PLEKHM2: variants seen among roughly 807,000 people sequenced by gnomAD.
PLEKHM2 encodes pleckstrin homology domain-containing family M member 2.
A neutral mutation model predicts 116.3 loss-of-function variants in PLEKHM2; 77 were observed. The ratio of observed to expected loss-of-function variants is 0.66; its 90% CI spans 0.55 to 0.80. The LOEUF (loss-of-function observed/expected upper bound fraction) is 0.80, where lower values mean the gene tolerates loss of function less well. PLEKHM2 is among the 30% of genes least tolerant of loss of function. PLEKHM2 has a pLI of 0.00. For synonymous variants in PLEKHM2, 562 were observed against 571.0 expected, an observed-to-expected ratio of 0.98 and a Z score of 0.22; for missense variants, 1,183 against 1,354.9, an observed-to-expected ratio of 0.87 and a Z score of 1.99.
chr1:15,684,475 G>C lies in PLEKHM2; in HGVS notation c.-84G>C. 1.3e-6 allele frequency: 1 copy of C among 793,648 alleles called. No homozygotes were observed. The highest frequency in any genetic ancestry group is 1.5e-6 in the Non-Finnish European group (1 of 654,000). 49.2% of individuals were successfully genotyped at this position (793,648 alleles called of 1,614,324 possible). A position where few individuals can be genotyped will look rare whatever the true frequency, so the allele number is the denominator to read the frequency against. ...GTACGGCCGGCGGCAGCGGTTGGCGGCGGCCCCCGGCCCCCGGCGCGGGAA... is the reference window on the plus strand; with the variant it reads ...GTACGGCCGGCGGCAGCGGTTGGCGCCGGCCCCCGGCCCCCGGCGCGGGAA... On this transcript the variant is annotated 5_prime_UTR_variant, in exon 1 of 20. Transcript: ENST00000375799.
In PLEKHM2 at chr1:15,713,626, G is replaced by T. The variant is rs568811122; in HGVS notation, c.61-2611G>T. On this transcript the variant is annotated intron_variant, in intron 1 of 19. Transcript: ENST00000375799. ...ATGAATAATATTCTGTTTTTTGTTT[G>T]TTTGTTTGTTTTTTGTTTTTTGTTT... Among the ~76,000 whole-genome samples, 262 of 145,242 alleles carry T rather than the reference G, an allele frequency of 1.8e-3. 1 individual carries two copies. Among genetic ancestry groups the T allele is most frequent in the African/African-American group, 7.0e-3 (252 of 36,082 alleles).
Position 15,727,484 on chromosome 1 carries a change from G to T in PLEKHM2, c.1412G>T (p.Ser471Ile). The T allele has an allele frequency of 6.3e-7, 1 of 1,597,308 alleles. No homozygotes were observed. Among genetic ancestry groups the T allele is most frequent in the African/African-American group, 1.3e-5 (1 of 74,690 alleles). Residue 471 changes from serine (S) to isoleucine (I), a missense_variant, in exon 9 of 20, where the codon AGT becomes ATT. Ser to Ile is a moderately radical substitution (Grantham distance 142, BLOSUM62 -2). Around this residue, in one of 3 missense-constraint regions of PLEKHM2, gnomAD observed 372 missense variants for 357.2 expected, o/e 1.04. Transcript: ENST00000375799. This position sits in a 1 kb window ranked among gnomAD's most constrained non-coding sequence, Gnocchi z 7.5. ...PMDFYRFTVESPSTVTSGGGH... is the reference protein window; with the variant it reads ...PMDFYRFTVEIPSTVTSGGGH... ...GACTTCTACCGCTTTACCGTCGAGA[G>T]TCCAAGCACTGTTACATCAGGTGGC...
chr1:15,707,611 A>G (rs1320105251), intron 1 of PLEKHM2, among the ~76,000 whole-genome samples: 1 of 152,262 alleles, frequency 6.6e-6, no homozygotes, highest in Non-Finnish European at 1.5e-5. Context: ...ATGAACAGAA[A>G]GGAAACACTC....
chr1:15,705,169 T>A (rs1641199519), intron 1 of PLEKHM2, among the ~76,000 whole-genome samples: 1 of 133,994 alleles, frequency 7.5e-6, no homozygotes, highest in Non-Finnish European at 1.6e-5. Context: ...CACGTAGATA[T>A]CTTTTTTTTT....
At chr1:15,725,592 C>T (rs963779664) in intron 8 of PLEKHM2, 47 bp downstream of exon 8, 1 of 1,307,758 alleles carries the variant, frequency 7.6e-7, no homozygotes, top group African/African-American at 1.5e-5. Flanking sequence ...TGGGGTCCAA[C>T]CTGTCCACTC....
In PLEKHM2 at chr1:15,713,934, C is replaced by T. The variant is rs988432957; in HGVS notation, c.61-2303C>T. On this transcript the variant is annotated intron_variant, in intron 1 of 19. Coordinates refer to ENST00000375799, the MANE Select transcript of PLEKHM2 (RefSeq NM_015164.4). ...ATTACAGGCGTGAGCCACTGCAGCC[C>T]AGCCCTGTTTTTTTTTTTTTTTTTG... Among the ~76,000 whole-genome samples the T allele has an allele frequency of 2.0e-4, 29 of 142,886 alleles. 1 individual carries two copies. Among genetic ancestry groups the T allele is most frequent in the Non-Finnish European group, 4.2e-4 (28 of 66,068 alleles). 93.7% of individuals were successfully genotyped at this position (142,886 alleles called of 152,430 possible). A position where few individuals can be genotyped will look rare whatever the true frequency, so the allele number is the denominator to read the frequency against.
Position 15,684,630 on chromosome 1 carries a change from C to T in PLEKHM2, c.60+12C>T, listed in dbSNP as rs1640724917. Reference sequence around the variant, plus strand: ...TGTCGGTGAAGAAGGTGAGCGCGGCCTCCCTCCCGGCCGGGGCCCCTTCCT... The same window carrying T: ...TGTCGGTGAAGAAGGTGAGCGCGGCTTCCCTCCCGGCCGGGGCCCCTTCCT... On this transcript the variant is annotated intron_variant, in intron 1 of 19. Coordinates refer to ENST00000375799, the MANE Select transcript of PLEKHM2 (RefSeq NM_015164.4). 2 of 1,274,454 alleles carry T rather than the reference C, an allele frequency of 1.6e-6. No homozygotes were observed. The highest frequency in any genetic ancestry group is 3.3e-5 in the East Asian group (1 of 30,098). 78.9% of individuals were successfully genotyped at this position (1,274,454 alleles called of 1,614,324 possible).
chr1:15,727,752 G>C lies in PLEKHM2; in HGVS notation c.1680G>C (p.Pro560=), dbSNP rs369446815. The C allele has an allele frequency of 6.2e-7, 1 of 1,604,342 alleles. No homozygotes were observed. The highest frequency in any genetic ancestry group is 2.2e-5 in the East Asian group (1 of 44,540). The change falls in exon 9 of 20, where the codon CCG becomes CCC. Residue 560 remains proline (P), a synonymous_variant. Coordinates refer to ENST00000375799, the MANE Select transcript of PLEKHM2 (RefSeq NM_015164.4). This position sits in a 1 kb window ranked among gnomAD's most constrained non-coding sequence, Gnocchi z 7.5. ...LCQLKRDQPS[P]CLSSAEDSGV... The stretch of plus-strand genomic sequence containing the variant: ...AGCTCAAGCGAGACCAGCCCAGCCC[G>C]TGTCTGAGTAGCGCTGAGGATTCTG...
intron 1 of PLEKHM2, among the ~76,000 whole-genome samples, chr1:15,693,999 C>T (rs544431341): frequency 5.9e-5 from 9 of 152,194 alleles, no homozygotes; most frequent in African/African-American, 1.7e-4. Context: ...TTCTGTCCAA[C>T]GGAAGCAGTA....
chr1:15,725,454 GACACCACCCCCGTGC>G lies in PLEKHM2; in HGVS notation c.859_873del (p.Pro287_Thr291del). On this transcript the variant is annotated inframe_deletion, in exon 8 of 20. Transcript: ENST00000375799. Reference sequence around the variant, plus strand: ...GCCGGCAGAGACTGTGTCCTCCTCTGACACCACCCCCGTGCACACCACCTCTCAGGAGAAGGAGGA... The same window carrying G: ...GCCGGCAGAGACTGTGTCCTCCTCTGACACCACCTCTCAGGAGAAGGAGGA... 6.4e-7 allele frequency: 1 copy of G among 1,573,048 alleles called. No individual in the cohort carries two copies. The highest frequency in any genetic ancestry group is 8.6e-7 in the Non-Finnish European group (1 of 1,160,074).
intron 1 of PLEKHM2, among the ~76,000 whole-genome samples, chr1:15,699,499 A>G (rs985285757): frequency 6.6e-6 from 1 of 152,186 alleles, no homozygotes; most frequent in Non-Finnish European, 1.5e-5. Flanking sequence ...AGCTGCATCC[A>G]TATCCCTGCA....
At position 15,728,792 on chromosome 1, in the gene PLEKHM2, T is replaced by C. The variant is rs1449230446; in HGVS notation, c.1986+59T>C. On this transcript the variant is annotated intron_variant, in intron 12 of 19. Coordinates refer to ENST00000375799, the MANE Select transcript of PLEKHM2 (RefSeq NM_015164.4). This position sits in a 1 kb window ranked among gnomAD's most constrained non-coding sequence, Gnocchi z 5.9. ...TAGGTACAGGGCTTCTCAAGCCACT[T>C]ACCCATAGAACTGCAGGGCGAGGCA... 2.7e-6 allele frequency: 4 copies of C among 1,470,378 alleles called. No individual in the cohort carries two copies. Among genetic ancestry groups the C allele is most frequent in the Admixed American group, 3.8e-5 (2 of 52,606 alleles). 91.1% of individuals were successfully genotyped at this position (1,470,378 alleles called of 1,614,324 possible). A position where few individuals can be genotyped will look rare whatever the true frequency, so the allele number is the denominator to read the frequency against.
chr1:15,686,843 G>A (rs988110780), intron 1 of PLEKHM2, among the ~76,000 whole-genome samples: 1 of 152,030 alleles, frequency 6.6e-6, no homozygotes, highest in South Asian at 2.1e-4. Context: ...TAGAGACGGG[G>A]TTTCACCATG....
rs562096406 is a variant in PLEKHM2 at position 15,732,245 on chromosome 1, C to T, written c.2626-105C>T. 1.5e-5 allele frequency: 16 copies of T among 1,066,298 alleles called. No individual in the cohort carries two copies. In the Admixed American group the frequency reaches 2.1e-4, roughly 14 times the overall value. The allele number at this position is 1,066,298 out of a possible 1,614,324, so 66.1% of individuals were successfully genotyped here. ...CTGCTCCCGATCCCTGGAGGGAGAT[C>T]CCTGGAGGGAGAGCAGAAGGGCTGG... On this transcript the variant is annotated intron_variant, in intron 17 of 19. Coordinates refer to ENST00000375799, the MANE Select transcript of PLEKHM2 (RefSeq NM_015164.4).
intron 15 of PLEKHM2, 66 bp from the exon 16 acceptor site, chr1:15,731,126 A>G: frequency 3.4e-6 from 4 of 1,184,866 alleles, no homozygotes; most frequent in Non-Finnish European, 3.7e-6. Context: ...GAACCCTGGG[A>G]CCTGGGCTCC....
intron 15 of PLEKHM2, 112 bp downstream of exon 15, chr1:15,730,834 G>A (rs1418158845): frequency 3.6e-6 from 3 of 825,206 alleles, no homozygotes. Flanking sequence ...AGCCTGAGGA[G>A]AGGACGCCTC....
intron 19 of PLEKHM2, 57 bp downstream of exon 19, chr1:15,732,785 C>T (rs905604289): frequency 8.4e-7 from 1 of 1,197,066 alleles, no homozygotes; most frequent in Admixed American, 2.0e-5. Flanking sequence ...GGGAGCCACT[C>T]CCCGGGGAGA....
intron 7 of PLEKHM2, among the ~76,000 whole-genome samples, chr1:15,723,684 A>C (rs959999920): frequency 6.7e-6 from 1 of 149,524 alleles, no homozygotes; most frequent in Non-Finnish European, 1.5e-5. Flanking sequence ...GGTCGAGGCT[A>C]CAGTGAGCTG....
chr1:15,730,989 C>T (rs1034127460), intron 15 of PLEKHM2, among the ~76,000 whole-genome samples: 3 of 152,198 alleles, frequency 2.0e-5, no homozygotes, highest in African/African-American at 7.2e-5. Flanking sequence ...GAGCTGCGCC[C>T]CAGGTCTGCT....
Sources: gnomAD v4.1 joint callset for allele counts (sites outside exome capture counted in the v4.1 genomes callset) on GRCh38, gnomAD v4.1.1 for gene constraint, gnomAD v4.1.1 regional missense constraint, Gnocchi (gnomAD v3.1) non-coding constraint, MANE v1.5 for transcripts, NCBI Gene and HGNC (gene_info 2026-07-23, HGNC 2026-07-21) for gene names.